The following THSD7B variants were observed in gnomAD, a reference collection of about 807,000 sequenced individuals.
THSD7B encodes thrombospondin type 1 domain containing 7B, also known as thrombospondin type-1 domain-containing protein 7B.
THSD7B carries 138 observed loss-of-function variants against 213.6 expected under a neutral mutation model. The observed-to-expected ratio is 0.65, with a 90% CI of 0.56 to 0.74. The LOEUF (loss-of-function observed/expected upper bound fraction) is 0.74. THSD7B is among the 30% of genes least tolerant of loss of function. The pLI, the probability that THSD7B is intolerant of heterozygous loss-of-function variation, is 0.00. For synonymous variants in THSD7B, 742 were observed against 687.0 expected, an observed-to-expected ratio of 1.08 and a Z score of -1.25; for missense variants, 1,931 against 1,991.5, an observed-to-expected ratio of 0.97 and a Z score of 0.58.
chr2:137,256,858 C>G (rs558620475), intron 10 of THSD7B, among the ~76,000 whole-genome samples: 1 of 152,222 alleles, frequency 6.6e-6, no homozygotes, highest in East Asian at 1.9e-4. Flanking sequence ...TTACTTATAA[C>G]AAAATACTTG....
intron 26 of THSD7B, 124 bp downstream of exon 26, chr2:137,663,699 GC>G: frequency 1.2e-6 from 1 of 849,568 alleles, no homozygotes; most frequent in Non-Finnish European, 1.8e-6. Context: ...AGGCAGTAAG[GC>G]ATAATTCAGG....
At chr2:137,382,273 G>A (rs1378590165) in intron 12 of THSD7B, among the ~76,000 whole-genome samples, 1 of 152,180 alleles carries the variant, frequency 6.6e-6, no homozygotes, top group Non-Finnish European at 1.5e-5. Flanking sequence ...TGATTCTCTT[G>A]CAGATTTAGA....
chr2:137,399,138 G>T (rs1170004319), intron 12 of THSD7B, among the ~76,000 whole-genome samples: 3 of 151,488 alleles, frequency 2.0e-5, no homozygotes, highest in African/African-American at 7.3e-5. Context: ...CGTCACTCTC[G>T]CTGGGAGCTG....
intron 17 of THSD7B, among the ~76,000 whole-genome samples, chr2:137,609,783 A>G (rs779890765): frequency 1.3e-5 from 2 of 152,184 alleles, no homozygotes; most frequent in Non-Finnish European, 2.9e-5. Flanking sequence ...CATAATCTGT[A>G]GAATGGGAAG....
chr2:137,131,814 G>C (rs1688738029), intron 5 of THSD7B, among the ~76,000 whole-genome samples: 1 of 152,202 alleles, frequency 6.6e-6, no homozygotes, highest in Non-Finnish European at 1.5e-5. Context: ...CAGGTAGCGT[G>C]ATGCCTCCAG....
At chr2:137,615,906 G>A (rs992432652) in intron 17 of THSD7B, among the ~76,000 whole-genome samples, 9 of 152,006 alleles carry the variant, frequency 5.9e-5, no homozygotes, top group African/African-American at 2.2e-4. Context: ...GAGTTTAAAT[G>A]ATAGAAATAG....
intron 2 of THSD7B, among the ~76,000 whole-genome samples, chr2:136,993,565 C>T (rs1247203905): frequency 6.6e-6 from 1 of 152,146 alleles, no homozygotes; most frequent in African/African-American, 2.4e-5. Context: ...GGGATGCACA[C>T]TCAGTACATC....
chr2:136,899,450 T>C (rs1684026264), intron 2 of THSD7B, among the ~76,000 whole-genome samples: 1 of 152,244 alleles, frequency 6.6e-6, no homozygotes, highest in Non-Finnish European at 1.5e-5. Flanking sequence ...TCCAATTTTA[T>C]AAGGCAAGCC....
chr2:137,222,429 CAT>C (rs1465952353), intron 7 of THSD7B, among the ~76,000 whole-genome samples: 1 of 152,192 alleles, frequency 6.6e-6, no homozygotes, highest in African/African-American at 2.4e-5. Flanking sequence ...ACAGAGGTCA[CAT>C]ATTCATTTTA....
intron 12 of THSD7B, among the ~76,000 whole-genome samples, chr2:137,305,492 G>A (rs1007670071): frequency 6.6e-6 from 1 of 152,074 alleles, no homozygotes; most frequent in Non-Finnish European, 1.5e-5. Context: ...CTTTAACCTT[G>A]CTTAGAAGGG....
chr2:137,260,426 T>C (rs1448962220), intron 10 of THSD7B, among the ~76,000 whole-genome samples: 1 of 152,170 alleles, frequency 6.6e-6, no homozygotes, highest in African/African-American at 2.4e-5. Flanking sequence ...AGCTGGCATA[T>C]GTGAACTCTG....
At chr2:136,869,855 T>C (rs1326154561) in intron 1 of THSD7B, among the ~76,000 whole-genome samples, 1 of 152,120 alleles carries the variant, frequency 6.6e-6, no homozygotes, top group Non-Finnish European at 1.5e-5. Context: ...GGAAAGATCA[T>C]GAGGTCAGGA....
chr2:136,892,236 G>A (rs1573693704), intron 2 of THSD7B, among the ~76,000 whole-genome samples: 1 of 152,098 alleles, frequency 6.6e-6, no homozygotes, highest in African/African-American at 2.4e-5. Context: ...CAAGGAGAGA[G>A]CTTCCAGATC....
chr2:137,382,527 T>C (rs1447726538), intron 12 of THSD7B, among the ~76,000 whole-genome samples: 2 of 152,226 alleles, frequency 1.3e-5, no homozygotes, highest in Non-Finnish European at 2.9e-5. Flanking sequence ...CCAGTATTCC[T>C]TGATAGAGAA....
chr2:137,091,137 C>A (rs1173849000), intron 3 of THSD7B, among the ~76,000 whole-genome samples: 1 of 152,140 alleles, frequency 6.6e-6, no homozygotes, highest in Non-Finnish European at 1.5e-5. Context: ...GAATTAGGAT[C>A]CCTTTTCGAA....
At chr2:137,315,396 C>T (rs371055597) in intron 12 of THSD7B, among the ~76,000 whole-genome samples, 6 of 152,248 alleles carry the variant, frequency 3.9e-5, no homozygotes, top group East Asian at 3.9e-4. Context: ...CACTGACCTG[C>T]GCCCACTGTC....
At chr2:136,945,208 ATAT>A (rs1364196303) in intron 2 of THSD7B, among the ~76,000 whole-genome samples, 1 of 152,160 alleles carries the variant, frequency 6.6e-6, no homozygotes, top group Non-Finnish European at 1.5e-5. Context: ...AGAATGTTGA[ATAT>A]TGGCCCCAAC....
chr2:137,048,083 G>A (rs987334260), intron 2 of THSD7B, among the ~76,000 whole-genome samples: 2 of 151,250 alleles, frequency 1.3e-5, no homozygotes, highest in Admixed American at 6.6e-5. Flanking sequence ...AACAGGCCCT[G>A]TTGTGTGATG....
chr2:137,483,840 C>G (rs374306122), intron 15 of THSD7B, among the ~76,000 whole-genome samples: 2 of 151,978 alleles, frequency 1.3e-5, no homozygotes, highest in African/African-American at 4.8e-5. Context: ...ATTTCGGAGA[C>G]AGAATTTACA....
Sources: allele counts gnomAD v4.1 joint callset (sites outside exome capture counted in the v4.1 genomes callset), GRCh38; gene constraint gnomAD v4.1.1; transcripts MANE v1.5; gene names NCBI Gene and HGNC (gene_info 2026-07-23, HGNC 2026-07-21).